The following MORN3 variants were observed in gnomAD, a reference collection of about 807,000 sequenced individuals.
MORN3 encodes the protein MORN repeat containing 3, also known as MORN repeat-containing protein 3.
Under a neutral mutation model 34.7 loss-of-function variants are expected in MORN3, and 38 were observed. The observed-to-expected ratio is 1.10, with a 90% CI of 0.85 to 1.44. MORN3 has a LOEUF of 1.44. Among genes scored for constraint, MORN3 ranks in the 40% most tolerant of loss-of-function variants. The pLI is 0.00. For synonymous variants in MORN3, 109 were observed against 115.3 expected, an observed-to-expected ratio of 0.95 and a Z score of 0.35; for missense variants, 311 against 321.7, an observed-to-expected ratio of 0.97 and a Z score of 0.25.
upstream of MORN3, among the ~76,000 whole-genome samples, chr12:121,671,223 T>C (rs1035592221): frequency 4.7e-4 from 70 of 148,716 alleles, no homozygotes; most frequent in Non-Finnish European, 7.7e-4. Flanking sequence ...CTGACTAACA[T>C]GGTGAAACCC....
chr12:121,670,832 G>C (rs567690372), upstream of MORN3, among the ~76,000 whole-genome samples: 1 of 140,400 alleles, frequency 7.1e-6, no homozygotes, highest in South Asian at 2.3e-4. Flanking sequence ...AAAATAGGCC[G>C]GGCTCAGTGG....
At chr12:121,659,137 G>A (rs61952215) in intron 2 of MORN3, 54 bp downstream of exon 2, 188 of 1,484,334 alleles carry the variant, frequency 1.3e-4, no homozygotes, top group East Asian at 2.1e-4. Flanking sequence ...ACACACGCGC[G>A]CACACACACA....
chr12:121,650,871 G>C lies in MORN3; in HGVS notation c.*780C>G, dbSNP rs558302945. ...CCTGGGGAATTTTCTGAAAGCTCAG[G>C]CCTCACCCCAGATGAATTAGATGTG... On this transcript the variant is annotated 3_prime_UTR_variant, in exon 6 of 6. Coordinates refer to ENST00000355329, the MANE Select transcript of MORN3 (RefSeq NM_173855.5). The C allele has an allele frequency of 6.6e-6, 1 of 152,224 alleles. No individual in the cohort carries two copies. The highest frequency in any genetic ancestry group is 1.9e-4 in the East Asian group (1 of 5,164). 9.4% of individuals were successfully genotyped at this position (152,224 alleles called of 1,614,324 possible).
chr12:121,671,671 G>C (rs1480120937), upstream of MORN3, among the ~76,000 whole-genome samples: 1 of 151,798 alleles, frequency 6.6e-6, no homozygotes, highest in East Asian at 1.9e-4. Flanking sequence ...CACGAGGTCG[G>C]GAGTTCGAGA....
At chr12:121,669,697 C>A (rs1400691943), upstream of MORN3, 1 of 504,308 alleles carries the variant, frequency 2.0e-6, no homozygotes, top group East Asian at 3.9e-5. Context: ...GGGGCCCCCT[C>A]CCAGGGGGTC....
At chr12:121,659,387 G>T (rs753842259) in intron 1 of MORN3, 39 bp from the exon 2 acceptor site, 1 of 1,604,642 alleles carries the variant, frequency 6.2e-7, no homozygotes, top group Non-Finnish European at 8.5e-7. Flanking sequence ...AGACATGGCC[G>T]CCGGGGGGTG....
intron 1 of MORN3, among the ~76,000 whole-genome samples, chr12:121,665,405 C>T (rs1237621662): frequency 4.1e-5 from 6 of 147,730 alleles, no homozygotes; most frequent in Non-Finnish European, 3.0e-5. Flanking sequence ...ATTCTCCTGC[C>T]TCAGCCTCCT....
chr12:121,661,348 C>T (rs544394159), intron 1 of MORN3, among the ~76,000 whole-genome samples: 3 of 152,210 alleles, frequency 2.0e-5, no homozygotes, highest in Admixed American at 1.3e-4. Flanking sequence ...CTCAGCCTCT[C>T]GACGAGCTGG....
At chr12:121,668,438 G>A (rs185947310) in intron 1 of MORN3, among the ~76,000 whole-genome samples, 3 of 152,294 alleles carry the variant, frequency 2.0e-5, no homozygotes, top group South Asian at 2.1e-4. Context: ...CTACTCTGGA[G>A]GCTGAGGCAG....
chr12:121,659,397 G>T (rs532805854), intron 1 of MORN3, 49 bp from the exon 2 acceptor site: 1 of 1,602,712 alleles, frequency 6.2e-7, no homozygotes, highest in South Asian at 1.1e-5. Context: ...GCCGGGGGGT[G>T]GGGGTGGTGT....
chr12:121,672,240 CA>C (rs1433436113), upstream of MORN3, among the ~76,000 whole-genome samples: 1 of 151,012 alleles, frequency 6.6e-6, no homozygotes, highest in East Asian at 2.0e-4. Context: ...GGGAGGATCA[CA>C]TGAGTCCGAG....
rs1893886892 is a variant in MORN3 at position 121,669,584 on chromosome 12, G to T, written c.-101C>A. On this transcript the variant is annotated 5_prime_UTR_variant, in exon 1 of 6. Transcript: ENST00000355329. ...TGCCGGGATCCTGAGCTCAAGTGGG[G>T]AGAGTCATGTGTGTTCTGAGTCCCT... is the stretch of plus-strand genomic sequence containing the variant. 6.6e-7 allele frequency: 1 copy of T among 1,513,412 alleles called. No individual in the cohort carries two copies. Among genetic ancestry groups the T allele is most frequent in the Non-Finnish European group, 9.0e-7 (1 of 1,108,920 alleles). The allele number at this position is 1,513,412 out of a possible 1,614,324, so 93.7% of individuals were successfully genotyped here.
chr12:121,649,006 C>G lies in MORN3; in HGVS notation c.*2645G>C, dbSNP rs562563455. On this transcript the variant is annotated 3_prime_UTR_variant, in exon 6 of 6. Coordinates refer to ENST00000355329, the MANE Select transcript of MORN3 (RefSeq NM_173855.5). Reference sequence around the variant, plus strand: ...GGAGAGCAGCGGCACGATCTCGGCTCGGCGTGATCTTGGCTCACCACTACC... The same window carrying G: ...GGAGAGCAGCGGCACGATCTCGGCTGGGCGTGATCTTGGCTCACCACTACC... The G allele has an allele frequency of 2.0e-5, 3 of 151,410 alleles. No homozygotes were observed. The highest frequency in any genetic ancestry group is 7.3e-5 in the African/African-American group (3 of 41,130). The allele number at this position is 151,410 out of a possible 1,614,324, so 9.4% of individuals were successfully genotyped here. A position where few individuals can be genotyped will look rare whatever the true frequency, so the allele number is the denominator to read the frequency against.
At chr12:121,652,890 G>A in intron 4 of MORN3, 82 bp from the exon 5 acceptor site, 1 of 1,517,828 alleles carries the variant, frequency 6.6e-7, no homozygotes, top group Non-Finnish European at 9.1e-7. Flanking sequence ...CCTGCCGTGT[G>A]GGGTGCTGCC....
At chr12:121,659,080 GAC>G in intron 2 of MORN3, 109 bp downstream of exon 2, 8 of 1,400,698 alleles carry the variant, frequency 5.7e-6, no homozygotes, top group Non-Finnish European at 6.7e-6. Context: ...CCTCCCTGTA[GAC>G]CTCCCCTCTC....
intron 2 of MORN3, among the ~76,000 whole-genome samples, chr12:121,654,745 G>A (rs970201154): frequency 2.6e-5 from 4 of 151,610 alleles, no homozygotes; most frequent in South Asian, 2.1e-4. Context: ...TTACAAACAC[G>A]CATCACCACG....
At chr12:121,668,637 C>A (rs1010173547) in intron 1 of MORN3, among the ~76,000 whole-genome samples, 4 of 152,016 alleles carry the variant, frequency 2.6e-5, no homozygotes, top group Non-Finnish European at 5.9e-5. Flanking sequence ...TTGCTTGAGC[C>A]CAGGATCTCG....
chr12:121,655,348 A>G (rs1279287820), intron 2 of MORN3, among the ~76,000 whole-genome samples: 1 of 151,700 alleles, frequency 6.6e-6, no homozygotes, highest in African/African-American at 2.4e-5. Context: ...TCAAAAAAAA[A>G]AAAAATCGCC....
chr12:121,653,408 G>C, intron 3 of MORN3, 149 bp from the exon 4 acceptor site: 2 of 814,622 alleles, frequency 2.5e-6, no homozygotes, highest in South Asian at 1.8e-5. Flanking sequence ...AGACCAGCCT[G>C]AGCAACATAG....
Sources: gnomAD v4.1 joint callset for allele counts (sites outside exome capture counted in the v4.1 genomes callset) on GRCh38, gnomAD v4.1.1 for gene constraint, MANE v1.5 for transcripts, NCBI Gene and HGNC (gene_info 2026-07-23, HGNC 2026-07-21) for gene names.